Variants in BMP2K observed in about 807,000 individuals in gnomAD.
The protein encoded by BMP2K is BMP-2-inducible protein kinase.
In BMP2K, 74 loss-of-function variants were observed where a neutral mutation model predicts 116.0. That is an observed-to-expected ratio of 0.64 (90% CI 0.53 to 0.77). The LOEUF is 0.77. Ranked by LOEUF, BMP2K falls within the 30% of genes least tolerant of loss-of-function variation. The pLI is 0.00. For missense variants in BMP2K, 1,365 were observed against 1,403.6 expected (o/e 0.97, Z 0.44); for synonymous variants, 486 against 502.5 (o/e 0.97, Z 0.44).
chr4:78,813,723 T>G (rs983241287), intron 1 of BMP2K, among the ~76,000 whole-genome samples: 2 of 152,200 alleles, frequency 1.3e-5, no homozygotes, highest in African/African-American at 4.8e-5. Context: ...CCCATGTACC[T>G]TGATTAAACA....
At chr4:78,830,488 T>C (rs1439767726) in intron 2 of BMP2K, among the ~76,000 whole-genome samples, 2 of 152,214 alleles carry the variant, frequency 1.3e-5, no homozygotes, top group Admixed American at 6.5e-5. Flanking sequence ...AGAGTTAACC[T>C]GTCCTTTGAA....
chr4:78,856,432 G>T (rs1175090267), intron 7 of BMP2K, among the ~76,000 whole-genome samples: 1 of 151,966 alleles, frequency 6.6e-6, no homozygotes, highest in African/African-American at 2.4e-5. Context: ...TAATCCAGTG[G>T]TACATTTTGC....
At chr4:78,865,503 A>C in intron 9 of BMP2K, 54 bp from the exon 10 acceptor site, 5 of 1,529,310 alleles carry the variant, frequency 3.3e-6, no homozygotes, top group Admixed American at 3.4e-5. Flanking sequence ...TAGAATAAAT[A>C]GTAAATTAGA....
chr4:78,850,027 A>G (rs1311768042), intron 6 of BMP2K, among the ~76,000 whole-genome samples: 1 of 151,782 alleles, frequency 6.6e-6, no homozygotes, highest in Non-Finnish European at 1.5e-5. Flanking sequence ...TTGCTGATAT[A>G]AGTGTATACT....
At chr4:78,822,998 A>G (rs1729695462) in intron 1 of BMP2K, among the ~76,000 whole-genome samples, 1 of 152,156 alleles carries the variant, frequency 6.6e-6, no homozygotes, top group South Asian at 2.1e-4. Context: ...CTTATCAGAA[A>G]ATTATTGAAA....
intron 10 of BMP2K, 127 bp downstream of exon 10, chr4:78,865,847 T>C (rs935748537): frequency 1.1e-5 from 10 of 869,826 alleles, no homozygotes; most frequent in South Asian, 2.1e-5. Context: ...TCAGAAACTT[T>C]CTATTGATGT....
At chr4:78,845,465 GA>G (rs1730953812) in intron 5 of BMP2K, among the ~76,000 whole-genome samples, 1 of 151,566 alleles carries the variant, frequency 6.6e-6, no homozygotes, top group South Asian at 2.1e-4. Flanking sequence ...TTTATGCATT[GA>G]AAACTGTGTA....
chr4:78,825,136 G>A (rs1436619123), intron 1 of BMP2K, among the ~76,000 whole-genome samples: 4 of 152,146 alleles, frequency 2.6e-5, no homozygotes, highest in African/African-American at 7.2e-5. Flanking sequence ...CCTGGGAGGC[G>A]GAGGTTGCGG....
intron 2 of BMP2K, among the ~76,000 whole-genome samples, chr4:78,828,760 A>G (rs1041763840): frequency 6.6e-6 from 1 of 152,258 alleles, no homozygotes; most frequent in Non-Finnish European, 1.5e-5. Flanking sequence ...AAAATTGTAT[A>G]TACTTTCATT....
intron 1 of BMP2K, among the ~76,000 whole-genome samples, chr4:78,800,183 A>G (rs1402791417): frequency 6.6e-6 from 1 of 152,192 alleles, no homozygotes; most frequent in African/African-American, 2.4e-5. Flanking sequence ...TGGTTTGGGT[A>G]TCAGGTCTTG....
intron 15 of BMP2K, among the ~76,000 whole-genome samples, chr4:78,906,824 C>A (rs1047499083): frequency 2.0e-5 from 3 of 152,206 alleles, no homozygotes; most frequent in African/African-American, 7.2e-5. Flanking sequence ...GTTCAGGCAC[C>A]GTTCTAAGTC....
chr4:78,839,878 A>C (rs1418764484), intron 3 of BMP2K, among the ~76,000 whole-genome samples: 1 of 152,058 alleles, frequency 6.6e-6, no homozygotes, highest in Non-Finnish European at 1.5e-5. Flanking sequence ...GATTGTGCCC[A>C]CCCAGATTAA....
At chr4:78,786,036 C>G (rs1727708831) in intron 1 of BMP2K, among the ~76,000 whole-genome samples, 1 of 152,254 alleles carries the variant, frequency 6.6e-6, no homozygotes, top group East Asian at 1.9e-4. Context: ...TACTCTTACT[C>G]CCTACTTATA....
intron 13 of BMP2K, among the ~76,000 whole-genome samples, chr4:78,876,996 T>C (rs769173694): frequency 2.0e-4 from 30 of 152,192 alleles, no homozygotes; most frequent in Non-Finnish European, 3.7e-4. Context: ...ATGGTAAGTA[T>C]TTTTGTATCT....
chr4:78,835,492 T>G (rs1345305116), intron 3 of BMP2K, among the ~76,000 whole-genome samples: 2 of 151,630 alleles, frequency 1.3e-5, no homozygotes, highest in East Asian at 1.9e-4. Flanking sequence ...AGCCGAGCGT[T>G]GTGGCAGGTG....
chr4:78,831,825 T>A (rs1368953402), intron 2 of BMP2K, among the ~76,000 whole-genome samples: 1 of 152,216 alleles, frequency 6.6e-6, no homozygotes, highest in Non-Finnish European at 1.5e-5. Flanking sequence ...GGGTTACATA[T>A]GCTCAGTGCT....
At chr4:78,872,046 C>A in intron 12 of BMP2K, 98 bp downstream of exon 12, 2 of 886,776 alleles carry the variant, frequency 2.3e-6, no homozygotes, top group Non-Finnish European at 3.4e-6. Context: ...AATTCAAAAT[C>A]AAGTAAGTTA....
chr4:78,867,766 A>G (rs1364589612), intron 10 of BMP2K, among the ~76,000 whole-genome samples: 1 of 152,186 alleles, frequency 6.6e-6, no homozygotes, highest in Admixed American at 6.5e-5. Context: ...GTTGTATTTA[A>G]AATAAATGGA....
intron 13 of BMP2K, 51 bp downstream of exon 13, chr4:78,872,849 C>A: frequency 1.3e-6 from 2 of 1,549,232 alleles, no homozygotes; most frequent in South Asian, 2.3e-5. Flanking sequence ...AAGTGGAAGT[C>A]ATCGTTGAAT....
Sources: gnomAD v4.1 joint callset for allele counts (sites outside exome capture counted in the v4.1 genomes callset) on GRCh38, gnomAD v4.1.1 for gene constraint, MANE v1.5 for transcripts, NCBI Gene and HGNC (gene_info 2026-07-23, HGNC 2026-07-21) for gene names.